The following BACE1 variants were observed in gnomAD, a reference collection of about 807,000 sequenced individuals.
The protein encoded by BACE1 is beta-secretase 1.
A neutral mutation model predicts 54.0 loss-of-function variants in BACE1; 21 were observed. That is an observed-to-expected ratio of 0.39 (90% confidence interval 0.28 to 0.56). BACE1 has a LOEUF of 0.56. Ranked by LOEUF, BACE1 falls within the 20% of genes least tolerant of loss-of-function variation. The pLI, the probability that BACE1 is intolerant of heterozygous loss-of-function variation, is 0.63. For synonymous variants in BACE1, 232 were observed against 260.9 expected (o/e 0.89, Z 1.07); for missense variants, 511 against 661.2 (o/e 0.77, Z 2.49).
chr11:117,289,780 ACCGCTG>A lies in BACE1; in HGVS notation c.1286_1291del (p.Ala429_Ala430del), dbSNP rs755445696. ...GTCCAAGGTGACAAAAGGGCCTTCC[ACCGCTG>A]CCGTCCTGAACTCATCGTGCACTGG... On this transcript the variant is annotated inframe_deletion, in exon 9 of 9. Transcript: ENST00000313005. 1 of 1,614,094 alleles carries A rather than the reference ACCGCTG, an allele frequency of 6.2e-7. No individual in the cohort carries two copies. The highest frequency in any genetic ancestry group is 1.3e-5 in the African/African-American group (1 of 74,934).
chr11:117,295,756 C>T, intron 2 of BACE1: 1 of 1,397,592 alleles, frequency 7.2e-7, no homozygotes, highest in Non-Finnish European at 9.4e-7. Flanking sequence ...CCTAGTGGTA[C>T]CATCCGAGTG....
In BACE1 at chr11:117,315,830, A is replaced by G. The variant is rs1016895982; in HGVS notation, c.-35T>C. 10 of 1,384,424 alleles carry G rather than the reference A, an allele frequency of 7.2e-6. No homozygotes were observed. Among genetic ancestry groups the G allele is most frequent in the Admixed American group, 3.9e-5 (1 of 25,932 alleles). 85.8% of individuals were successfully genotyped at this position (1,384,424 alleles called of 1,614,324 possible). A position where few individuals can be genotyped will look rare whatever the true frequency, so the allele number is the denominator to read the frequency against. On this transcript the variant is annotated 5_prime_UTR_variant, in exon 1 of 9. Coordinates refer to ENST00000313005, the MANE Select transcript of BACE1 (RefSeq NM_012104.6). This position sits in a 1 kb window ranked among gnomAD's most constrained non-coding sequence, Gnocchi z 5.5. ...CGGCCTTCGGGCCCTCTGGGCTCGC[A>G]CTGGCCCACGTCCGTCCCTGGCGCC... is the stretch of plus-strand genomic sequence containing the variant.
rs2034303085 is a variant in BACE1, at chr11:117,287,848, G to A, written c.*1718C>T. ...TTGTTTTATTGGTTTATGGCTTGTG[G>A]GCAGCTGGCTGAGGCCAGGAACACC... On this transcript the variant is annotated 3_prime_UTR_variant, in exon 9 of 9. Transcript: ENST00000313005. 1 of 152,654 alleles carries A rather than the reference G, an allele frequency of 6.6e-6. No individual in the cohort carries two copies. Among genetic ancestry groups the A allele is most frequent in the East Asian group, 1.9e-4 (1 of 5,196 alleles). 9.5% of individuals were successfully genotyped at this position (152,654 alleles called of 1,614,324 possible). A position where few individuals can be genotyped will look rare whatever the true frequency, so the allele number is the denominator to read the frequency against.
At chr11:117,292,577 G>A (rs1255951045) in intron 5 of BACE1, among the ~76,000 whole-genome samples, 2 of 151,978 alleles carry the variant, frequency 1.3e-5, no homozygotes, top group African/African-American at 4.8e-5. Context: ...ATTGAGTACT[G>A]CCAACCACAG....
At position 117,293,996 on chromosome 11, in the gene BACE1, G is replaced by C. The variant is rs1204081356; in HGVS notation, c.580C>G (p.Leu194Val). 6.2e-7 allele frequency: 1 copy of C among 1,613,644 alleles called. No homozygotes were observed. Among genetic ancestry groups the C allele is most frequent in the Non-Finnish European group, 8.5e-7 (1 of 1,179,834 alleles). The change falls in exon 4 of 9, where the codon CTG (leucine) becomes GTG (valine). Residue 194 changes from leucine to valine, a missense_variant. Around this residue, in one of 2 missense-constraint regions of BACE1, gnomAD observed 407 missense variants for 565.7 expected, o/e 0.72. Transcript: ENST00000313005. This position sits in a 1 kb window ranked among gnomAD's most constrained non-coding sequence, Gnocchi z 4.1. ...ACCAGAGAGTCAAAGAAAGGCTCCA[G>C]GGAGTCGTCAGGCTTTGGCAGAAAG... ...YAEIARPDDS[L>V]EPFFDSLVKQ...
Position 117,293,212 on chromosome 11 carries a change from C to G in BACE1, c.706-24G>C. The G allele has an allele frequency of 6.2e-7, 1 of 1,611,412 alleles. No individual in the cohort carries two copies. Among genetic ancestry groups the G allele is most frequent in the Non-Finnish European group, 8.5e-7 (1 of 1,178,918 alleles). ...ATCTAGGGAAAAAAAGAGGCAGGTACCCGTGTCCTGGCACAGAAGGAGAGT... is the reference window on the plus strand; with the variant it reads ...ATCTAGGGAAAAAAAGAGGCAGGTAGCCGTGTCCTGGCACAGAAGGAGAGT... On this transcript the variant is annotated intron_variant, in intron 4 of 8. Coordinates refer to ENST00000313005, the MANE Select transcript of BACE1 (RefSeq NM_012104.6). The surrounding 1 kb of genome is among the most constrained non-coding windows in gnomAD (Gnocchi z 4.1).
intron 3 of BACE1, among the ~76,000 whole-genome samples, chr11:117,294,710 C>T (rs1267326291): frequency 6.6e-6 from 1 of 151,438 alleles, no homozygotes; most frequent in Non-Finnish European, 1.5e-5. Flanking sequence ...ATGATGAAAC[C>T]CCATTTCTAC....
chr11:117,295,293 GC>G lies in BACE1; in HGVS notation c.404del (p.Gly135AlafsTer12). The G allele has an allele frequency of 6.2e-7, 1 of 1,614,230 alleles. No individual in the cohort carries two copies. The highest frequency in any genetic ancestry group is 8.5e-7 in the Non-Finnish European group (1 of 1,180,032). ...CGGTGCCCAGCTCCCCTTCCCACTT[GC>G]CCTGGGTGTAGGGCACATACACACC... ...RKGVYVPYTQGKWEGELGTDL... is the reference protein window; with the variant it reads ...RKGVYVPYTQXKWEGELGTDL... On this transcript the variant is annotated frameshift_variant, in exon 3 of 9. Transcript: ENST00000313005. LOFTEE classifies it high-confidence loss of function.
chr11:117,303,248 C>T (rs972494857), intron 1 of BACE1, among the ~76,000 whole-genome samples: 3 of 152,108 alleles, frequency 2.0e-5, no homozygotes, highest in African/African-American at 7.2e-5. Flanking sequence ...GTCTTTGTCC[C>T]CTGGGGTCAG....
chr11:117,308,213 T>C (rs181440942), intron 1 of BACE1, among the ~76,000 whole-genome samples: 5 of 152,334 alleles, frequency 3.3e-5, no homozygotes, highest in Admixed American at 3.3e-4. Flanking sequence ...TTTCTGAGAC[T>C]CTGAGCCCTC....
rs1199452882 is a variant in BACE1 at position 117,291,148 on chromosome 11, C to T, written c.943-99G>A. ...TTAACTGGGCCCTTCATTTGCTTTT[C>T]CAGTGAAATATCTAAAGTGGGGAGG... is the stretch of plus-strand genomic sequence containing the variant. On this transcript the variant is annotated intron_variant, in intron 6 of 8. Coordinates refer to ENST00000313005, the MANE Select transcript of BACE1 (RefSeq NM_012104.6). 4.8e-5 allele frequency: 69 copies of T among 1,439,374 alleles called. No individual in the cohort carries two copies. In the East Asian group the frequency reaches 1.5e-3, roughly 32 times the overall value. The allele number at this position is 1,439,374 out of a possible 1,614,324, so 89.2% of individuals were successfully genotyped here.
chr11:117,298,264 T>C (rs2034647303), intron 1 of BACE1, among the ~76,000 whole-genome samples: 1 of 151,160 alleles, frequency 6.6e-6, no homozygotes, highest in South Asian at 2.1e-4. Context: ...ATTACACCAC[T>C]GCACTCCGGC....
Position 117,293,759 on chromosome 11 carries a change from CCTGATT to C in BACE1, c.705+106_705+111del, listed in dbSNP as rs2034521047. 1 of 1,171,358 alleles carries C rather than the reference CCTGATT, an allele frequency of 8.5e-7. No individual in the cohort carries two copies. Among genetic ancestry groups the C allele is most frequent in the Admixed American group, 2.7e-5 (1 of 37,296 alleles). The allele number at this position is 1,171,358 out of a possible 1,614,324, so 72.6% of individuals were successfully genotyped here. ...GGGTAGGGAATATAAAGAGGTTCCT[CCTGATT>C]CTAAGTATCGGAGCCAAAACTGTGG... On this transcript the variant is annotated intron_variant, in intron 4 of 8. Transcript: ENST00000313005. This position sits in a 1 kb window ranked among gnomAD's most constrained non-coding sequence, Gnocchi z 4.1.
At chr11:117,294,980 A>G (rs1019613289) in intron 3 of BACE1, 151 bp downstream of exon 3, 2 of 792,384 alleles carry the variant, frequency 2.5e-6, no homozygotes, top group African/African-American at 1.7e-5. Context: ...CTATAGGGCT[A>G]AAATTTAGAC....
At chr11:117,311,940 C>G (rs1399843795) in intron 1 of BACE1, among the ~76,000 whole-genome samples, 1 of 152,162 alleles carries the variant, frequency 6.6e-6, no homozygotes, top group Non-Finnish European at 1.5e-5. Flanking sequence ...CACACAGCCC[C>G]CACTCTTTTT....
At chr11:117,308,857 G>C (rs28989472) in intron 1 of BACE1, among the ~76,000 whole-genome samples, 2 of 152,160 alleles carry the variant, frequency 1.3e-5, no homozygotes, top group East Asian at 3.9e-4. Context: ...AGAAGCTGAG[G>C]CAGGAGAATC....
chr11:117,295,118 C>T lies in BACE1; in HGVS notation c.567+13G>A. The T allele has an allele frequency of 6.2e-7, 1 of 1,612,000 alleles. No individual in the cohort carries two copies. Among genetic ancestry groups the T allele is most frequent in the South Asian group, 1.1e-5 (1 of 91,038 alleles). The stretch of plus-strand genomic sequence containing the variant: ...TGCATAGAGTGTGTAGGGCCAAGCC[C>T]TGTTCCTCTCACCCTGGCAATCTCA... On this transcript the variant is annotated intron_variant, in intron 3 of 8. Transcript: ENST00000313005.
chr11:117,290,680 G>C (rs769320303), intron 7 of BACE1, 21 bp from the exon 8 acceptor site: 9 of 1,612,218 alleles, frequency 5.6e-6, no homozygotes, highest in Admixed American at 1.7e-5. Flanking sequence ...GCAATCACAG[G>C]GTGAGTGTCT....
chr11:117,315,483 C>T lies in BACE1; in HGVS notation c.261+52G>A. On this transcript the variant is annotated intron_variant, in intron 1 of 8. Transcript: ENST00000313005. This position sits in a 1 kb window ranked among gnomAD's most constrained non-coding sequence, Gnocchi z 5.5. ...CTAGCTTGAGGCATCCCCATCCTGT[C>T]TCCCCTCTGCTCATGCAGGCGGAGG... 3.9e-6 allele frequency: 6 copies of T among 1,550,728 alleles called. 1 individual carries two copies. The South Asian group carries it at 7.3e-5, about 19-fold the overall frequency.
Sources: gnomAD v4.1 joint callset for allele counts (sites outside exome capture counted in the v4.1 genomes callset) on GRCh38, gnomAD v4.1.1 for gene constraint, gnomAD v4.1.1 regional missense constraint, Gnocchi (gnomAD v3.1) non-coding constraint, MANE v1.5 for transcripts, NCBI Gene and HGNC (gene_info 2026-07-23, HGNC 2026-07-21) for gene names.